MGAT4A: variants seen among roughly 807,000 people sequenced by gnomAD.
MGAT4A encodes the protein alpha-1,3-mannosyl-glycoprotein 4-beta-N-acetylglucosaminyltransferase A, also known as N-acetylglucosaminyltransferase IVa.
Under a neutral mutation model 74.1 loss-of-function variants are expected in MGAT4A, and 33 were observed. The ratio of observed to expected loss-of-function variants is 0.45; its 90% CI spans 0.34 to 0.60. The LOEUF (loss-of-function observed/expected upper bound fraction) is 0.60. Among genes scored for constraint, MGAT4A ranks in the 20% least tolerant of loss-of-function variants. MGAT4A has a pLI of 0.02. For missense variants in MGAT4A, 479 were observed against 628.3 expected, an observed-to-expected ratio of 0.76 and a Z score of 2.54; for synonymous variants, 198 against 210.4, an observed-to-expected ratio of 0.94 and a Z score of 0.51.
chr2:98,628,185 G>T (rs897994458), intron 14 of MGAT4A, among the ~76,000 whole-genome samples: 1 of 151,646 alleles, frequency 6.6e-6, no homozygotes, highest in Non-Finnish European at 1.5e-5. Flanking sequence ...ACTATTTACA[G>T]GGGCCAACCC....
chr2:98,667,070 A>T (rs775480980), intron 4 of MGAT4A, among the ~76,000 whole-genome samples: 2 of 151,542 alleles, frequency 1.3e-5, no homozygotes, highest in Admixed American at 6.6e-5. Context: ...GATGGTTTTA[A>T]AAAGAGGAGT....
Position 98,619,657 on chromosome 2 carries a change from G to A in MGAT4A, c.*5909C>T, listed in dbSNP as rs1173895363. ...CGATAGCAGCCATTTTTAAGGCTCA[G>A]AGAATATGTCTTCAAAAGATATTTT... On this transcript the variant is annotated 3_prime_UTR_variant, in exon 16 of 16. Transcript: ENST00000393487. 3.9e-5 allele frequency: 6 copies of A among 152,318 alleles called. No homozygotes were observed. The highest frequency in any genetic ancestry group is 7.3e-5 in the Non-Finnish European group (5 of 68,032). The allele number at this position is 152,318 out of a possible 1,614,324, so 9.4% of individuals were successfully genotyped here.
At chr2:98,707,423 C>T (rs2104321098) in intron 2 of MGAT4A, among the ~76,000 whole-genome samples, 1 of 152,208 alleles carries the variant, frequency 6.6e-6, no homozygotes, top group Non-Finnish European at 1.5e-5. Flanking sequence ...TTTATAAGTG[C>T]TCATGCTCAC....
At position 98,650,703 on chromosome 2, in the gene MGAT4A, C is replaced by T. The variant is rs1701563163; in HGVS notation, c.774+4742G>A. 1.3e-5 allele frequency among the ~76,000 whole-genome samples: 2 copies of T among 152,188 alleles called. 1 individual carries two copies. The highest frequency in any genetic ancestry group is 4.1e-4 in the South Asian group (2 of 4,832). ...CGGTGGCTCACACCTGTAATCCCAG[C>T]ACTTTGGGAGACCGAGGCAGGTGGA... On this transcript the variant is annotated intron_variant, in intron 8 of 15. Coordinates refer to ENST00000393487, the MANE Select transcript of MGAT4A (RefSeq NM_012214.3).
chr2:98,717,488 T>C (rs1702608741), intron 2 of MGAT4A, among the ~76,000 whole-genome samples: 1 of 152,120 alleles, frequency 6.6e-6, no homozygotes, highest in Admixed American at 6.5e-5. Flanking sequence ...CAGAAGGACA[T>C]TAGTGGGAAC....
At chr2:98,705,361 A>G (rs1702410029) in intron 2 of MGAT4A, among the ~76,000 whole-genome samples, 1 of 152,184 alleles carries the variant, frequency 6.6e-6, no homozygotes, top group Non-Finnish European at 1.5e-5. Context: ...GTTCAGCAGC[A>G]GCATTCAGGT....
At chr2:98,630,152 C>T (rs1420213022) in intron 14 of MGAT4A, among the ~76,000 whole-genome samples, 2 of 152,196 alleles carry the variant, frequency 1.3e-5, no homozygotes, top group East Asian at 1.9e-4. Context: ...CATACATGTG[C>T]ACAAGTGTTC....
intron 2 of MGAT4A, among the ~76,000 whole-genome samples, chr2:98,707,665 A>G (rs1044550278): frequency 3.9e-5 from 6 of 152,220 alleles, no homozygotes. Context: ...GCAAGCTACA[A>G]GAGAACCAAG....
intron 2 of MGAT4A, among the ~76,000 whole-genome samples, chr2:98,688,997 A>G (rs1282143341): frequency 2.0e-5 from 3 of 152,206 alleles, no homozygotes; most frequent in Admixed American, 2.0e-4. Context: ...TTACAATTTT[A>G]TAATTATTCA....
At chr2:98,684,355 T>G (rs1323757775) in intron 2 of MGAT4A, among the ~76,000 whole-genome samples, 2 of 152,152 alleles carry the variant, frequency 1.3e-5, no homozygotes, top group Non-Finnish European at 2.9e-5. Context: ...TACTGGGAAG[T>G]GCCCAGTTTT....
intron 2 of MGAT4A, among the ~76,000 whole-genome samples, chr2:98,715,394 A>G (rs139878933): frequency 1.2e-4 from 18 of 152,180 alleles, no homozygotes; most frequent in African/African-American, 4.3e-4. Context: ...ATTAACTAAT[A>G]AGTACAGAAT....
At chr2:98,705,845 G>A (rs1230222718) in intron 2 of MGAT4A, among the ~76,000 whole-genome samples, 6 of 151,756 alleles carry the variant, frequency 4.0e-5, no homozygotes, top group Non-Finnish European at 5.9e-5. Flanking sequence ...CGGGGGCTGA[G>A]GCAGGAGAAT....
At chr2:98,717,813 T>C (rs1359863631) in intron 2 of MGAT4A, among the ~76,000 whole-genome samples, 1 of 152,356 alleles carries the variant, frequency 6.6e-6, no homozygotes, top group Non-Finnish European at 1.5e-5. Flanking sequence ...CTAATGCTAA[T>C]GCATCCCAGA....
At chr2:98,674,498 T>C (rs566918592) in intron 4 of MGAT4A, among the ~76,000 whole-genome samples, 65 of 152,296 alleles carry the variant, frequency 4.3e-4, no homozygotes, top group Non-Finnish European at 8.1e-4. Context: ...GTAAATAGTT[T>C]CTATAAGGAA....
rs1701096303 is a variant in MGAT4A at position 98,623,660 on chromosome 2, C to T, written c.*1906G>A. 2 of 985,306 alleles carry T rather than the reference C, an allele frequency of 2.0e-6. No homozygotes were observed. The highest frequency in any genetic ancestry group is 2.4e-6 in the Non-Finnish European group (2 of 829,838). The allele number at this position is 985,306 out of a possible 1,614,324, so 61.0% of individuals were successfully genotyped here. ...ACTGGCCTTTAACTGACATAAAAATCATTTTTGGCAATGTGATTGACTTTT... is the reference window on the plus strand; with the variant it reads ...ACTGGCCTTTAACTGACATAAAAATTATTTTTGGCAATGTGATTGACTTTT... On this transcript the variant is annotated 3_prime_UTR_variant, in exon 16 of 16. Coordinates refer to ENST00000393487, the MANE Select transcript of MGAT4A (RefSeq NM_012214.3).
Position 98,635,287 on chromosome 2 carries a change from C to T in MGAT4A, c.1403G>A (p.Ser468Asn), listed in dbSNP as rs1449825960. 1.9e-6 allele frequency: 3 copies of T among 1,596,764 alleles called. No homozygotes were observed. Among genetic ancestry groups the T allele is most frequent in the Non-Finnish European group, 2.6e-6 (3 of 1,171,564 alleles). Residue 468 changes from serine to asparagine, a missense_variant and splice_region_variant, in exon 14 of 16, where the codon AGT (serine) becomes AAT (asparagine). Physicochemically the swap from Ser to Asn is conservative, Grantham distance 46 (BLOSUM62 1). Transcript: ENST00000393487. The stretch of plus-strand genomic sequence containing the variant: ...TTCTTTGCTTATTTCCAAACCTTCA[C>T]TCTAAAATAAAACAAAAGCATTAAT... ...NTTVEVLPFK[S>N]EGLEISKETK... is the part of the protein sequence containing the mutation.
chr2:98,643,707 A>G (rs1242987067), intron 10 of MGAT4A, among the ~76,000 whole-genome samples: 1 of 152,222 alleles, frequency 6.6e-6, no homozygotes, highest in East Asian at 1.9e-4. Flanking sequence ...TTTATCAGCA[A>G]TTTAAAGAAT....
At chr2:98,663,378 T>C in intron 4 of MGAT4A, 199 bp from the exon 5 acceptor site, 1 of 1,520,732 alleles carries the variant, frequency 6.6e-7, no homozygotes, top group Non-Finnish European at 8.8e-7. Context: ...GGCTTAACCA[T>C]AAGAAAAAAA....
Position 98,671,660 on chromosome 2 carries a change from G to A in MGAT4A, c.403+3375C>T, listed in dbSNP as rs150690666. Among the ~76,000 whole-genome samples the A allele has an allele frequency of 1.0e-3, 153 of 152,072 alleles. 2 individuals carry two copies. The East Asian group carries it at 0.016, about 16-fold the overall frequency. ...CATTGTGATGGAGAGAATAATAGTC[G>A]CCCAAAGATGTCCATGCCGTAATTC... On this transcript the variant is annotated intron_variant, in intron 4 of 15. Transcript: ENST00000393487.
Sources: allele counts gnomAD v4.1 joint callset (sites outside exome capture counted in the v4.1 genomes callset), GRCh38; gene constraint gnomAD v4.1.1; transcripts MANE v1.5; gene names NCBI Gene and HGNC (gene_info 2026-07-23, HGNC 2026-07-21).